The following CCDC170 variants were observed in gnomAD, a reference collection of about 807,000 sequenced individuals.
The protein encoded by CCDC170 is coiled-coil domain containing 170.
A neutral mutation model predicts 72.6 loss-of-function variants in CCDC170; 69 were observed. The ratio of observed to expected loss-of-function variants is 0.95; its 90% CI spans 0.78 to 1.16. The LOEUF (loss-of-function observed/expected upper bound fraction) is 1.16. Ranked by LOEUF, CCDC170 falls within the 50% of genes most tolerant of loss-of-function variation. The pLI is 0.00. For missense variants in CCDC170, 852 were observed against 832.5 expected (o/e 1.02, Z -0.29); for synonymous variants, 300 against 303.9 (o/e 0.99, Z 0.13).
At chr6:151,532,572 A>G (rs1001860501) in intron 1 of CCDC170, among the ~76,000 whole-genome samples, 5 of 151,594 alleles carry the variant, frequency 3.3e-5, no homozygotes, top group Non-Finnish European at 7.4e-5. Flanking sequence ...ACGTCACTGC[A>G]CTCCAGCCTG....
intron 9 of CCDC170, among the ~76,000 whole-genome samples, chr6:151,597,146 A>G (rs1447074895): frequency 1.4e-5 from 2 of 143,652 alleles, no homozygotes; most frequent in African/African-American, 5.3e-5. Flanking sequence ...TTTTTTCGAG[A>G]CTGAGTCTCG....
chr6:151,565,626 G>C (rs919950089), intron 5 of CCDC170, among the ~76,000 whole-genome samples: 1 of 152,120 alleles, frequency 6.6e-6, no homozygotes, highest in South Asian at 2.1e-4. Context: ...ATTCTTCTTT[G>C]TGGAGGGGCA....
chr6:151,611,369 A>G (rs1429114085), intron 9 of CCDC170, among the ~76,000 whole-genome samples: 1 of 152,208 alleles, frequency 6.6e-6, no homozygotes, highest in Non-Finnish European at 1.5e-5. Flanking sequence ...GAAATTTCTT[A>G]CAGTTCTAGA....
intron 1 of CCDC170, among the ~76,000 whole-genome samples, chr6:151,522,660 G>C (rs958761903): frequency 6.6e-6 from 1 of 152,182 alleles, no homozygotes; most frequent in Non-Finnish European, 1.5e-5. Flanking sequence ...CCTTGTCCAA[G>C]TGTGCGCTCA....
intron 1 of CCDC170, among the ~76,000 whole-genome samples, chr6:151,519,639 A>G (rs1782288881): frequency 6.6e-6 from 1 of 152,184 alleles, no homozygotes; most frequent in Non-Finnish European, 1.5e-5. Context: ...AATCTTCACA[A>G]TTTATGTTCC....
At chr6:151,556,926 T>C (rs900111457) in intron 5 of CCDC170, among the ~76,000 whole-genome samples, 2 of 152,144 alleles carry the variant, frequency 1.3e-5, no homozygotes, top group East Asian at 3.9e-4. Context: ...ATTTTTCTAC[T>C]CTCTAACTAT....
chr6:151,539,306 C>T (rs1310618084), intron 3 of CCDC170, among the ~76,000 whole-genome samples: 1 of 152,072 alleles, frequency 6.6e-6, no homozygotes, highest in Middle Eastern at 3.2e-3. Flanking sequence ...AATTTCTCTT[C>T]TCTCTCTGGA....
At chr6:151,587,168 A>T (rs1010294125) in intron 7 of CCDC170, among the ~76,000 whole-genome samples, 1 of 152,114 alleles carries the variant, frequency 6.6e-6, no homozygotes, top group African/African-American at 2.4e-5. Context: ...AATGGCACTG[A>T]TAACCCAGTG....
At chr6:151,574,642 C>G (rs12197879) in intron 6 of CCDC170, among the ~76,000 whole-genome samples, 1 of 151,894 alleles carries the variant, frequency 6.6e-6, no homozygotes, top group African/African-American at 2.4e-5. Flanking sequence ...AAATGAAGAC[C>G]GCAAATAGCC....
chr6:151,578,021 G>GC (rs1178219598), intron 6 of CCDC170, among the ~76,000 whole-genome samples: 1 of 152,098 alleles, frequency 6.6e-6, no homozygotes, highest in Non-Finnish European at 1.5e-5. Context: ...TGATCTCAGA[G>GC]CCCGATTATC....
At chr6:151,516,260 A>T (rs1289851264) in intron 1 of CCDC170, among the ~76,000 whole-genome samples, 1 of 152,104 alleles carries the variant, frequency 6.6e-6, no homozygotes, top group African/African-American at 2.4e-5. Flanking sequence ...CTGAATTCCA[A>T]AGGGAGAAGG....
intron 1 of CCDC170, among the ~76,000 whole-genome samples, chr6:151,501,461 ACT>A (rs1383214444): frequency 6.6e-6 from 1 of 152,084 alleles, no homozygotes; most frequent in East Asian, 1.9e-4. Context: ...GCATATAGAA[ACT>A]CTGTTTTGTT....
rs904680896 is a variant in CCDC170, at chr6:151,548,636, G to A, written c.774+147G>A. 23 of 593,640 alleles carry A rather than the reference G, an allele frequency of 3.9e-5. 1 individual carries two copies. The highest frequency in any genetic ancestry group is 5.5e-5 in the Non-Finnish European group (21 of 380,908). 36.8% of individuals were successfully genotyped at this position (593,640 alleles called of 1,614,324 possible). On this transcript the variant is annotated intron_variant, in intron 5 of 10. Transcript: ENST00000239374. Reference sequence around the variant, plus strand: ...TTTAAGAGCCTGCACTCAGCAGGAGGGTTGGGGGTGACATGGGACAAAGTG... The same window carrying A: ...TTTAAGAGCCTGCACTCAGCAGGAGAGTTGGGGGTGACATGGGACAAAGTG...
Position 151,548,376 on chromosome 6 carries a change from C to T in CCDC170, c.661C>T (p.His221Tyr). 1 of 1,612,636 alleles carries T rather than the reference C, an allele frequency of 6.2e-7. No homozygotes were observed. The highest frequency in any genetic ancestry group is 8.5e-7 in the Non-Finnish European group (1 of 1,179,112). ...IVILEETINV[H>Y]EMEAKASRET... is the part of the protein sequence containing the mutation. ...TATTCTTGAAGAGACTATAAATGTC[C>T]ATGAGATGGAAGCAAAAGCTAGCAG... Residue 221 changes from histidine (H) to tyrosine (Y), a missense_variant, in exon 5 of 11, where the codon CAT becomes TAT. Physicochemically the swap from His to Tyr is moderately conservative, Grantham distance 83. Coordinates refer to ENST00000239374, the MANE Select transcript of CCDC170 (RefSeq NM_025059.4).
intron 1 of CCDC170, among the ~76,000 whole-genome samples, chr6:151,513,846 G>T (rs1341120193): frequency 6.7e-6 from 1 of 149,938 alleles, no homozygotes; most frequent in Admixed American, 6.6e-5. Flanking sequence ...CTTGAGCCTG[G>T]GAGGTGGAGG....
At chr6:151,547,718 G>A (rs1583020658) in intron 4 of CCDC170, among the ~76,000 whole-genome samples, 1 of 152,282 alleles carries the variant, frequency 6.6e-6, no homozygotes, top group East Asian at 1.9e-4. Context: ...AGGTCAAGGA[G>A]CCTGCTGGCT....
At chr6:151,611,485 G>A (rs1776869977) in intron 9 of CCDC170, among the ~76,000 whole-genome samples, 2 of 152,096 alleles carry the variant, frequency 1.3e-5, no homozygotes, top group African/African-American at 4.8e-5. Context: ...CATGGTAGAA[G>A]GGGTGAGGCA....
In CCDC170 at chr6:151,532,822, G is replaced by T. The variant is rs571499867; in HGVS notation, c.58-3496G>T. Among the ~76,000 whole-genome samples, 9 of 152,172 alleles carry T rather than the reference G, an allele frequency of 5.9e-5. No homozygotes were observed. In the South Asian group the frequency reaches 8.3e-4, roughly 14 times the overall value. On this transcript the variant is annotated intron_variant, in intron 1 of 10. Transcript: ENST00000239374. ...AAATGAATATGTAAGAATAGCCAGGGTTATTCAGAAAAATAAGTCCTACCA... is the reference window on the plus strand; with the variant it reads ...AAATGAATATGTAAGAATAGCCAGGTTTATTCAGAAAAATAAGTCCTACCA...
chr6:151,548,572 C>T (rs1277610874), intron 5 of CCDC170, 83 bp downstream of exon 5: 1 of 1,236,180 alleles, frequency 8.1e-7, no homozygotes, highest in Non-Finnish European at 1.1e-6. Context: ...GATAAGTGCC[C>T]TAGAACTACT....
Sources: gnomAD v4.1 joint callset for allele counts (sites outside exome capture counted in the v4.1 genomes callset) on GRCh38, gnomAD v4.1.1 for gene constraint, MANE v1.5 for transcripts, NCBI Gene and HGNC (gene_info 2026-07-23, HGNC 2026-07-21) for gene names.